GRK2: variants seen among roughly 807,000 people sequenced by gnomAD.
GRK2 encodes the protein adrenergic beta receptor kinase 1.
GRK2 carries 23 observed loss-of-function variants against 97.8 expected under a neutral mutation model. The ratio of observed to expected loss-of-function variants is 0.24; its 90% CI spans 0.17 to 0.33. The LOEUF is 0.33. Among genes scored for constraint, GRK2 ranks in the 10% least tolerant of loss-of-function variants. GRK2 has a pLI of 1.00. For synonymous variants in GRK2, 425 were observed against 381.7 expected, an observed-to-expected ratio of 1.11 and a Z score of -1.32; for missense variants, 633 against 956.9, an observed-to-expected ratio of 0.66 and a Z score of 4.47.
chr11:67,284,833 GTC>G lies in GRK2; in HGVS notation c.1655-9_1655-8del, dbSNP rs1233571019. On this transcript the variant is annotated splice_polypyrimidine_tract_variant and intron_variant, in intron 18 of 20. Transcript: ENST00000308595. ...AGGTGGGGCCGGCTGAGTCTCCTCT[GTC>G]TCTCGCCTCAGACTACGCCCTGGGC... 2 of 1,611,128 alleles carry G rather than the reference GTC, an allele frequency of 1.2e-6. No homozygotes were observed. The highest frequency in any genetic ancestry group is 1.3e-5 in the African/African-American group (1 of 74,902).
rs1011233360 is a variant in GRK2 at position 67,281,374 on chromosome 11, C to G, written c.648-85C>G. The G allele has an allele frequency of 6.1e-6, 8 of 1,318,992 alleles. No individual in the cohort carries two copies. In the Admixed American group the frequency reaches 8.7e-5, roughly 14 times the overall value. The allele number at this position is 1,318,992 out of a possible 1,614,324, so 81.7% of individuals were successfully genotyped here. ...TTTGTGTCACACGCTGGTCCTGGGT[C>G]TAGTCTTTCCCTCAAGCGCCCCCTG... is the stretch of plus-strand genomic sequence containing the variant. On this transcript the variant is annotated intron_variant, in intron 8 of 20. Coordinates refer to ENST00000308595, the MANE Select transcript of GRK2 (RefSeq NM_001619.5). This position sits in a 1 kb window ranked among gnomAD's most constrained non-coding sequence, Gnocchi z 5.7.
In GRK2 at chr11:67,281,617, C is replaced by G; in HGVS notation, c.748-33C>G. 1 of 1,600,770 alleles carries G rather than the reference C, an allele frequency of 6.2e-7. No individual in the cohort carries two copies. Among genetic ancestry groups the G allele is most frequent in the Non-Finnish European group, 8.6e-7 (1 of 1,168,628 alleles). ...CTGGAACCCCGGGCGCCCCTGCTAA[C>G]TGCCCGCCCCCTCCCCTCCTCTCCC... is the stretch of plus-strand genomic sequence containing the variant. On this transcript the variant is annotated intron_variant, in intron 9 of 20. Transcript: ENST00000308595. This position sits in a 1 kb window ranked among gnomAD's most constrained non-coding sequence, Gnocchi z 5.7.
intron 1 of GRK2, among the ~76,000 whole-genome samples, chr11:67,272,741 G>A (rs1324985490): frequency 6.6e-6 from 1 of 152,232 alleles, no homozygotes; most frequent in African/African-American, 2.4e-5. Flanking sequence ...AGGAGCCCTT[G>A]ATACTTTGGC....
chr11:67,285,382 C>G lies in GRK2; in HGVS notation c.2002C>G (p.Pro668Ala). ...GCGGGTGCCCAAGATGAAGAACAAG[C>G]CGCGCTCGCCCGTGGTGGAGCTGAG... is the stretch of plus-strand genomic sequence containing the variant. ...VQRVPKMKNK[P>A]RSPVVELSKV... The change falls in exon 21 of 21, where the codon CCG becomes GCG. Residue 668 changes from proline to alanine, a missense_variant. Pro to Ala is a conservative substitution (Grantham distance 27, BLOSUM62 -1). Around this residue, in one of 4 missense-constraint regions of GRK2, gnomAD observed 180 missense variants for 311.3 expected, o/e 0.58. Coordinates refer to ENST00000308595, the MANE Select transcript of GRK2 (RefSeq NM_001619.5). The G allele has an allele frequency of 6.2e-7, 1 of 1,609,270 alleles. No individual in the cohort carries two copies. Among genetic ancestry groups the G allele is most frequent in the African/African-American group, 1.3e-5 (1 of 75,022 alleles).
chr11:67,274,009 CTT>C (rs1186824487), intron 1 of GRK2, among the ~76,000 whole-genome samples: 9 of 126,754 alleles, frequency 7.1e-5, no homozygotes, highest in African/African-American at 9.0e-5. Context: ...AAACTGGCAC[CTT>C]TTTTTTTTTT....
At position 67,282,282 on chromosome 11, in the gene GRK2, C is replaced by T. The variant is rs753068066; in HGVS notation, c.969C>T (p.Ile323=). 6.2e-7 allele frequency: 1 copy of T among 1,613,428 alleles called. No individual in the cohort carries two copies. Among genetic ancestry groups the T allele is most frequent in the Non-Finnish European group, 8.5e-7 (1 of 1,179,944 alleles). ...GGCTTCCTTCACAGCCAGCCAACATCCTTCTGGACGAGCATGGCCACGTGC... is the reference window on the plus strand; with the variant it reads ...GGCTTCCTTCACAGCCAGCCAACATTCTTCTGGACGAGCATGGCCACGTGC... ...VVYRDLKPAN[I]LLDEHGHVRI... is the part of the protein sequence containing the mutation. The change falls in exon 12 of 21, where the codon ATC becomes ATT. Residue 323 remains isoleucine (I), a synonymous_variant. Transcript: ENST00000308595. This position sits in a 1 kb window ranked among gnomAD's most constrained non-coding sequence, Gnocchi z 6.9.
At chr11:67,267,656 G>C (rs1232486257) in intron 1 of GRK2, among the ~76,000 whole-genome samples, 5 of 152,332 alleles carry the variant, frequency 3.3e-5, no homozygotes, top group African/African-American at 9.6e-5. Flanking sequence ...ATCACACCTG[G>C]TATCAAAGTT....
In GRK2 at chr11:67,285,701, GCCCTCCCGCCCC is replaced by G; in HGVS notation, c.*252_*263del. ...TGTCTTCCTGTGGGGGAAGAGCACA[GCCCTCCCGCCCC>G]TTCCCCGAGGGATGATGCCACACCA... On this transcript the variant is annotated 3_prime_UTR_variant, in exon 21 of 21. Coordinates refer to ENST00000308595, the MANE Select transcript of GRK2 (RefSeq NM_001619.5). 1 of 516,176 alleles carries G rather than the reference GCCCTCCCGCCCC, an allele frequency of 1.9e-6. No homozygotes were observed. The allele number at this position is 516,176 out of a possible 1,614,324, so 32.0% of individuals were successfully genotyped here. A position where few individuals can be genotyped will look rare whatever the true frequency, so the allele number is the denominator to read the frequency against.
intron 1 of GRK2, among the ~76,000 whole-genome samples, chr11:67,273,046 G>C (rs925169229): frequency 3.9e-5 from 6 of 152,248 alleles, no homozygotes; most frequent in African/African-American, 1.4e-4. Context: ...AGCATGGCCA[G>C]CCTGGCATAT....
rs575236822 is a variant in GRK2, at chr11:67,269,991, T to G, written c.113+3179T>G. On this transcript the variant is annotated intron_variant, in intron 1 of 20. Transcript: ENST00000308595. The surrounding 1 kb of genome is among the most constrained non-coding windows in gnomAD (Gnocchi z 4.1). ...AGAAGGAGGTAGCGTAAGGCAGCAT[T>G]GTGTATCTGGAAGATGGGAGGTCTG... 6.6e-6 allele frequency among the ~76,000 whole-genome samples: 1 copy of G among 152,192 alleles called. No homozygotes were observed. The highest frequency in any genetic ancestry group is 1.5e-5 in the Non-Finnish European group (1 of 68,034).
chr11:67,286,286 GCCCCCCATCCTGGCCCATCAGTGTA>G lies in GRK2; in HGVS notation c.*842_*866del, dbSNP rs2136508468. On this transcript the variant is annotated 3_prime_UTR_variant, in exon 21 of 21. Transcript: ENST00000308595. ...GAGGCTGGCTGGGGCCTATCAGTGT[GCCCCCCATCCTGGCCCATCAGTGTA>G]CCCCCGCCCAGGCTGGCCAGCCCCA... is the stretch of plus-strand genomic sequence containing the variant. 7.9e-6 allele frequency: 5 copies of G among 635,820 alleles called. No homozygotes were observed. In the East Asian group the frequency reaches 1.1e-4, roughly 14 times the overall value. 39.4% of individuals were successfully genotyped at this position (635,820 alleles called of 1,614,324 possible).
intron 2 of GRK2, among the ~76,000 whole-genome samples, 171 bp from the exon 3 acceptor site, chr11:67,279,029 A>G (rs1860089764): frequency 6.6e-6 from 1 of 152,170 alleles, no homozygotes; most frequent in African/African-American, 2.4e-5. Context: ...AGGAATCTTC[A>G]CGTTGGCAGC....
intron 18 of GRK2, 123 bp from the exon 19 acceptor site, chr11:67,284,724 G>T: frequency 2.3e-6 from 3 of 1,301,678 alleles, no homozygotes; most frequent in Non-Finnish European, 3.1e-6. Flanking sequence ...GGGAGGTGGA[G>T]GTTGCAGTGA....
chr11:67,280,944 G>T, intron 7 of GRK2, 149 bp from the exon 8 acceptor site: 1 of 1,117,728 alleles, frequency 8.9e-7, no homozygotes, highest in East Asian at 2.4e-5. Context: ...CCAGCATGGG[G>T]AGGCCGGAGC....
In GRK2 at chr11:67,282,058, C is replaced by T. The variant is rs1279367576; in HGVS notation, c.957+106C>T. The T allele has an allele frequency of 9.6e-6, 14 of 1,451,758 alleles. No individual in the cohort carries two copies. Among genetic ancestry groups the T allele is most frequent in the Middle Eastern group, 2.2e-4 (1 of 4,472 alleles). The allele number at this position is 1,451,758 out of a possible 1,614,324, so 89.9% of individuals were successfully genotyped here. A position where few individuals can be genotyped will look rare whatever the true frequency, so the allele number is the denominator to read the frequency against. On this transcript the variant is annotated intron_variant, in intron 11 of 20. Coordinates refer to ENST00000308595, the MANE Select transcript of GRK2 (RefSeq NM_001619.5). The surrounding 1 kb of genome is among the most constrained non-coding windows in gnomAD (Gnocchi z 6.9). Reference sequence around the variant, plus strand: ...AGGAGTGGGGCTCCTGGGACATGGCCGCCCCGTATCTTCCCATCTCCGCCC... The same window carrying T: ...AGGAGTGGGGCTCCTGGGACATGGCTGCCCCGTATCTTCCCATCTCCGCCC...
At position 67,279,735 on chromosome 11, in the gene GRK2, A is replaced by G. The variant is rs1160441030; in HGVS notation, c.441+35A>G. The G allele has an allele frequency of 2.5e-6, 4 of 1,612,790 alleles. No homozygotes were observed. The South Asian group carries it at 4.4e-5, about 18-fold the overall frequency. ...TCCCGGTCCCTCCCCAGGCAAGGTC[A>G]CCTTGGACAGCCCCTGGTCAACAAG... On this transcript the variant is annotated intron_variant, in intron 5 of 20. Transcript: ENST00000308595.
intron 1 of GRK2, 77 bp from the exon 2 acceptor site, chr11:67,277,195 C>T (rs1860049270): frequency 2.1e-6 from 3 of 1,432,220 alleles, no homozygotes; most frequent in Non-Finnish European, 2.9e-6. Context: ...ACCACAGTGC[C>T]CTCAGCTCGC....
chr11:67,284,836 T>C lies in GRK2; in HGVS notation c.1655-11T>C. The C allele has an allele frequency of 6.2e-7, 1 of 1,611,482 alleles. No individual in the cohort carries two copies. The highest frequency in any genetic ancestry group is 1.3e-5 in the African/African-American group (1 of 75,012). On this transcript the variant is annotated splice_polypyrimidine_tract_variant and intron_variant, in intron 18 of 20. Transcript: ENST00000308595. ...TGGGGCCGGCTGAGTCTCCTCTGTCTCTCGCCTCAGACTACGCCCTGGGCA... is the reference window on the plus strand; with the variant it reads ...TGGGGCCGGCTGAGTCTCCTCTGTCCCTCGCCTCAGACTACGCCCTGGGCA...
chr11:67,274,524 C>CTTTTTTTTTTTTTTTTTTTTTTTTTTT (rs1590848179), intron 1 of GRK2, among the ~76,000 whole-genome samples: 675 of 54,992 alleles, frequency 0.012, 3 homozygotes, highest in Non-Finnish European at 0.016. Flanking sequence ...TTTTTTTTTG[C>CTTTTTTTTTTTTTTTTTTTTTTTTTTT]TTTTTTTCAT....
Sources: gnomAD v4.1 joint callset for allele counts (sites outside exome capture counted in the v4.1 genomes callset) on GRCh38, gnomAD v4.1.1 for gene constraint, gnomAD v4.1.1 regional missense constraint, Gnocchi (gnomAD v3.1) non-coding constraint, MANE v1.5 for transcripts, NCBI Gene and HGNC (gene_info 2026-07-23, HGNC 2026-07-21) for gene names.